Variants in GSDME observed in about 807,000 individuals in gnomAD.
GSDME encodes the protein gasdermin-E.
In GSDME, 44 loss-of-function variants were observed where a neutral mutation model predicts 47.5. The observed-to-expected ratio is 0.93, with a 90% CI of 0.73 to 1.19. The LOEUF (loss-of-function observed/expected upper bound fraction) is 1.19. GSDME is among the 50% of genes most tolerant of loss of function. The pLI is 0.00. For missense variants in GSDME, 663 were observed against 604.2 expected, an observed-to-expected ratio of 1.10 and a Z score of -1.02; for synonymous variants, 258 against 252.8, an observed-to-expected ratio of 1.02 and a Z score of -0.20.
In GSDME at chr7:24,705,815, AGAGCAGTT is replaced by A; in HGVS notation, c.1183+361_1183+368del. ...ATCAGAAGGACTGAAATGCTGGAGGAGAGCAGTTGGCAAATGAAAGTTGCTGCCACTCA... is the reference window on the plus strand; with the variant it reads ...ATCAGAAGGACTGAAATGCTGGAGGAGGCAAATGAAAGTTGCTGCCACTCA... On this transcript the variant is annotated intron_variant, in intron 8 of 9. Coordinates refer to ENST00000645220, the MANE Select transcript of GSDME (RefSeq NM_001127453.2). The surrounding 1 kb of genome is among the most constrained non-coding windows in gnomAD (Gnocchi z 4.1). The A allele has an allele frequency of 2.7e-6, 1 of 366,888 alleles. No homozygotes were observed. Among genetic ancestry groups the A allele is most frequent in the Non-Finnish European group, 5.2e-6 (1 of 190,774 alleles). 22.7% of individuals were successfully genotyped at this position (366,888 alleles called of 1,614,324 possible).
At chr7:24,706,045 C>A (rs559805364) in intron 8 of GSDME, 139 bp downstream of exon 8, 10 of 1,097,748 alleles carry the variant, frequency 9.1e-6, no homozygotes, top group Non-Finnish European at 1.2e-5. Context: ...CACCTCTTAC[C>A]CTCCCTGTAC....
Position 24,708,036 on chromosome 7 carries a change from G to A in GSDME, c.990+91C>T, listed in dbSNP as rs565634903. ...GACAGCTGTAGGGAGAAAAGGAGGCGGGGGAACCTTTAACACAATTCCATC... is the reference window on the plus strand; with the variant it reads ...GACAGCTGTAGGGAGAAAAGGAGGCAGGGGAACCTTTAACACAATTCCATC... On this transcript the variant is annotated intron_variant, in intron 7 of 9. Coordinates refer to ENST00000645220, the MANE Select transcript of GSDME (RefSeq NM_001127453.2). The A allele has an allele frequency of 3.6e-4, 546 of 1,515,232 alleles. 1 individual carries two copies. The highest frequency in any genetic ancestry group is 2.2e-3 in the African/African-American group (159 of 72,954). 93.9% of individuals were successfully genotyped at this position (1,515,232 alleles called of 1,614,324 possible).
chr7:24,709,638 G>A (rs558072453), intron 6 of GSDME, among the ~76,000 whole-genome samples: 57 of 151,972 alleles, frequency 3.8e-4, no homozygotes, highest in South Asian at 1.0e-3. Context: ...TATATGCTGC[G>A]CCCCCACATC....
At position 24,733,027 on chromosome 7, in the gene GSDME, TGAGGA is replaced by T. The variant is rs1181324675; in HGVS notation, c.404+11530_404+11534del. ...CCAAAAGAGATCCCTTCCTTGTGCTTGAGGAGAGGAGAGGGAAGAGGAAAAAGGAC... is the reference window on the plus strand; with the variant it reads ...CCAAAAGAGATCCCTTCCTTGTGCTTGAGGAGAGGGAAGAGGAAAAAGGAC... On this transcript the variant is annotated intron_variant, in intron 3 of 9. Transcript: ENST00000645220. This position sits in a 1 kb window ranked among gnomAD's most constrained non-coding sequence, Gnocchi z 4.3. Among the ~76,000 whole-genome samples, 1 of 151,600 alleles carries T rather than the reference TGAGGA, an allele frequency of 6.6e-6. No individual in the cohort carries two copies. The highest frequency in any genetic ancestry group is 2.0e-4 in the East Asian group (1 of 5,114).
chr7:24,742,478 C>T lies in GSDME; in HGVS notation c.404+2084G>A, dbSNP rs1251311723. On this transcript the variant is annotated intron_variant, in intron 3 of 9. Transcript: ENST00000645220. This position sits in a 1 kb window ranked among gnomAD's most constrained non-coding sequence, Gnocchi z 4.4. Reference sequence around the variant, plus strand: ...CTCCTTTCCTTTCCCTCCCCCACTCCCTCTTCCTCCACTCAGAACTGTTGG... The same window carrying T: ...CTCCTTTCCTTTCCCTCCCCCACTCTCTCTTCCTCCACTCAGAACTGTTGG... 6.6e-6 allele frequency among the ~76,000 whole-genome samples: 1 copy of T among 152,182 alleles called. No individual in the cohort carries two copies. Among genetic ancestry groups the T allele is most frequent in the Non-Finnish European group, 1.5e-5 (1 of 68,038 alleles).
At chr7:24,743,174 GT>G (rs1176126683) in intron 3 of GSDME, among the ~76,000 whole-genome samples, 2 of 152,168 alleles carry the variant, frequency 1.3e-5, no homozygotes, top group Admixed American at 1.3e-4. Context: ...CTCAATGTCT[GT>G]ACAAAATCCA....
the GSDME span, among the ~76,000 whole-genome samples, chr7:24,790,001 C>T: frequency 6.6e-6 from 1 of 152,186 alleles, no homozygotes; most frequent in Non-Finnish European, 1.5e-5. This position sits in a 1 kb window ranked among gnomAD's most constrained non-coding sequence, Gnocchi z 4.1. Context: ...ACACTGGGAA[C>T]CATTTTCCAA....
chr7:24,701,766 A>T (rs913044343), intron 9 of GSDME, among the ~76,000 whole-genome samples: 3 of 152,236 alleles, frequency 2.0e-5, no homozygotes, highest in Non-Finnish European at 4.4e-5. Context: ...TTTTGCAGTC[A>T]GTGGACAAGC....
At chr7:24,729,443 C>T (rs1194608349) in intron 3 of GSDME, among the ~76,000 whole-genome samples, 1 of 152,252 alleles carries the variant, frequency 6.6e-6, no homozygotes, top group African/African-American at 2.4e-5. Context: ...GGAGGCAGGG[C>T]GTTCCAGGAG....
At chr7:24,760,505 C>A (rs1294239399), upstream of GSDME, among the ~76,000 whole-genome samples, 1 of 152,198 alleles carries the variant, frequency 6.6e-6, no homozygotes, top group Admixed American at 6.5e-5. This position sits in a 1 kb window ranked among gnomAD's most constrained non-coding sequence, Gnocchi z 4.2. Context: ...TTACTTATAA[C>A]ATTGTCATGA....
chr7:24,725,893 C>G lies in GSDME; in HGVS notation c.405-6675G>C, dbSNP rs1323308594. 6.6e-6 allele frequency among the ~76,000 whole-genome samples: 1 copy of G among 152,016 alleles called. No individual in the cohort carries two copies. Among genetic ancestry groups the G allele is most frequent in the Non-Finnish European group, 1.5e-5 (1 of 68,004 alleles). ...GTCCCCTCCCTTAAGGAAGTGGACCCTCAAAGCAATTAAGAGCATGGCTCC... is the reference window on the plus strand; with the variant it reads ...GTCCCCTCCCTTAAGGAAGTGGACCGTCAAAGCAATTAAGAGCATGGCTCC... On this transcript the variant is annotated intron_variant, in intron 3 of 9. Transcript: ENST00000645220. The surrounding 1 kb of genome is among the most constrained non-coding windows in gnomAD (Gnocchi z 5.1).
chr7:24,728,544 C>T lies in GSDME; in HGVS notation c.405-9326G>A, dbSNP rs1207484077. Among the ~76,000 whole-genome samples the T allele has an allele frequency of 1.3e-5, 2 of 152,188 alleles. No individual in the cohort carries two copies. Among genetic ancestry groups the T allele is most frequent in the Admixed American group, 6.5e-5 (1 of 15,280 alleles). On this transcript the variant is annotated intron_variant, in intron 3 of 9. Transcript: ENST00000645220. This position sits in a 1 kb window ranked among gnomAD's most constrained non-coding sequence, Gnocchi z 7.2. ...AGCACCATCCACCCTCGAAGCTCTGCGCCCATCTGCCTCTCCCTCCTGAAC... is the reference window on the plus strand; with the variant it reads ...AGCACCATCCACCCTCGAAGCTCTGTGCCCATCTGCCTCTCCCTCCTGAAC...
chr7:24,716,949 A>T lies in GSDME; in HGVS notation c.697+305T>A, dbSNP rs1789580684. 2.4e-6 allele frequency: 1 copy of T among 421,364 alleles called. No individual in the cohort carries two copies. Among genetic ancestry groups the T allele is most frequent in the Non-Finnish European group, 4.5e-6 (1 of 222,512 alleles). The allele number at this position is 421,364 out of a possible 1,614,324, so 26.1% of individuals were successfully genotyped here. A position where few individuals can be genotyped will look rare whatever the true frequency, so the allele number is the denominator to read the frequency against. On this transcript the variant is annotated intron_variant, in intron 5 of 9. Transcript: ENST00000645220. This position sits in a 1 kb window ranked among gnomAD's most constrained non-coding sequence, Gnocchi z 4.5. ...CCGGGGTTGATGCCCAGTGTGTCTG[A>T]TGCAGAGCCCAGGTTGATGCCCAGA...
chr7:24,741,518 G>A (rs563206343), intron 3 of GSDME, among the ~76,000 whole-genome samples: 1 of 152,274 alleles, frequency 6.6e-6, no homozygotes, highest in South Asian at 2.1e-4. Context: ...TTCCTGCCCA[G>A]CACAGGCTTG....
At chr7:24,750,391 A>G (rs1436715977) in intron 1 of GSDME, among the ~76,000 whole-genome samples, 1 of 152,190 alleles carries the variant, frequency 6.6e-6, no homozygotes, top group East Asian at 1.9e-4. Context: ...CCAAGGTGGG[A>G]GGATTGCTTG....
Position 24,744,717 on chromosome 7 carries a change from C to A in GSDME, c.249G>T (p.Lys83Asn), listed in dbSNP as rs375973038. 3 of 1,614,130 alleles carry A rather than the reference C, an allele frequency of 1.9e-6. No individual in the cohort carries two copies. Among genetic ancestry groups the A allele is most frequent in the Non-Finnish European group, 2.5e-6 (3 of 1,180,034 alleles). The part of the protein sequence containing the change: ...VESDFVKYEG[K>N]FANHVSGTLE... ...GGGTTCCACTCACGTGGTTTGCAAA[C>A]TTGCCCTCGTATTTCACAAAGTCCG... Residue 83 changes from lysine (K) to asparagine (N), a missense_variant, in exon 3 of 10, where the codon AAG becomes AAT. Lys to Asn is a moderately conservative substitution (Grantham distance 94, BLOSUM62 0). Transcript: ENST00000645220. The surrounding 1 kb of genome is among the most constrained non-coding windows in gnomAD (Gnocchi z 4.5).
At chr7:24,748,255 G>A (rs1477801262) in intron 2 of GSDME, among the ~76,000 whole-genome samples, 1 of 151,036 alleles carries the variant, frequency 6.6e-6, no homozygotes, top group African/African-American at 2.4e-5. Flanking sequence ...TGCTGCCTGG[G>A]TTCAAGCGAT....
At position 24,699,183 on chromosome 7, in the gene GSDME, A is replaced by G. The variant is rs61731036; in HGVS notation, c.1334T>C (p.Phe445Ser). The G allele has an allele frequency of 1.9e-6, 3 of 1,614,046 alleles. No individual in the cohort carries two copies. The highest frequency in any genetic ancestry group is 2.2e-5 in the East Asian group (1 of 44,896). The change falls in exon 10 of 10, where the codon TTT becomes TCT. Residue 445 changes from phenylalanine (F) to serine (S), a missense_variant. By Grantham distance (155) the Phe-to-Ser change is radical. Coordinates refer to ENST00000645220, the MANE Select transcript of GSDME (RefSeq NM_001127453.2). Reference sequence around the variant, plus strand: ...GGCAAACAAGCGCTGCACAATCCCAAACCTTTCTGTATCTTTCAGGGGAGT... The same window carrying G: ...GGCAAACAAGCGCTGCACAATCCCAGACCTTTCTGTATCTTTCAGGGGAGT... ...TLTPLKDTERFGIVQRLFASA... is the reference protein window; with the variant it reads ...TLTPLKDTERSGIVQRLFASA...
chr7:24,702,537 A>C, intron 9 of GSDME: 1 of 492,058 alleles, frequency 2.0e-6, no homozygotes, highest in Non-Finnish European at 3.9e-6. Flanking sequence ...GAAGTCCTGG[A>C]CCTGCTAACA....
Sources: gnomAD v4.1 joint callset for allele counts (sites outside exome capture counted in the v4.1 genomes callset) on GRCh38, gnomAD v4.1.1 for gene constraint, Gnocchi (gnomAD v3.1) non-coding constraint, MANE v1.5 for transcripts, NCBI Gene and HGNC (gene_info 2026-07-23, HGNC 2026-07-21) for gene names.